THSD4: variants seen among roughly 807,000 people sequenced by gnomAD.
The protein encoded by THSD4 is thrombospondin type 1 domain containing 4.
A neutral mutation model predicts 119.0 loss-of-function variants in THSD4; 69 were observed. The ratio of observed to expected loss-of-function variants is 0.58; its 90% CI spans 0.48 to 0.71. The LOEUF is 0.71. Among genes scored for constraint, THSD4 ranks in the 30% least tolerant of loss-of-function variants. The pLI is 0.00. For synonymous variants in THSD4, 524 were observed against 540.4 expected, an observed-to-expected ratio of 0.97 and a Z score of 0.42; for missense variants, 1,393 against 1,391.1, an observed-to-expected ratio of 1.00 and a Z score of -0.02.
At chr15:71,297,493 G>A (rs765426132) in intron 6 of THSD4, among the ~76,000 whole-genome samples, 11 of 151,976 alleles carry the variant, frequency 7.2e-5, no homozygotes, top group African/African-American at 9.7e-5. Context: ...GTGCCCCCAT[G>A]CCTGGCTAAT....
chr15:71,306,365 G>A (rs1470067430), intron 6 of THSD4, among the ~76,000 whole-genome samples: 1 of 143,550 alleles, frequency 7.0e-6, no homozygotes, highest in Non-Finnish European at 1.5e-5. Flanking sequence ...ATTTTTTGAT[G>A]CCTTCTCTTA....
At chr15:71,219,435 G>C (rs1296620404) in intron 4 of THSD4, among the ~76,000 whole-genome samples, 1 of 152,164 alleles carries the variant, frequency 6.6e-6, no homozygotes, top group Non-Finnish European at 1.5e-5. Context: ...ACTTGCCGTG[G>C]AGTGGGTGGC....
upstream of THSD4, among the ~76,000 whole-genome samples, chr15:71,114,740 T>G (rs1232406416): frequency 6.6e-6 from 1 of 152,098 alleles, no homozygotes; most frequent in African/African-American, 2.4e-5. Context: ...AGAATTATTA[T>G]TTTTTTGCAG....
intron 8 of THSD4, among the ~76,000 whole-genome samples, chr15:71,663,741 A>G (rs1420245940): frequency 2.6e-5 from 4 of 152,130 alleles, no homozygotes; most frequent in African/African-American, 9.7e-5. Flanking sequence ...TACATTGTAC[A>G]TTGTCAAACA....
At chr15:71,280,251 A>G (rs953519794) in intron 6 of THSD4, among the ~76,000 whole-genome samples, 8 of 147,348 alleles carry the variant, frequency 5.4e-5, no homozygotes, top group Non-Finnish European at 1.1e-4. Flanking sequence ...GTGTAGGACG[A>G]GGTTGGCCTG....
chr15:71,744,545 A>C (rs1469005991), intron 11 of THSD4, among the ~76,000 whole-genome samples: 1 of 152,082 alleles, frequency 6.6e-6, no homozygotes, highest in Non-Finnish European at 1.5e-5. Flanking sequence ...GCTTCAACCT[A>C]TCCCTTAAAT....
chr15:71,460,122 G>A (rs753451614), intron 7 of THSD4, among the ~76,000 whole-genome samples: 1 of 152,024 alleles, frequency 6.6e-6, no homozygotes, highest in Non-Finnish European at 1.5e-5. Context: ...TGTGGCCCAC[G>A]ATACCAGTGG....
intron 7 of THSD4, among the ~76,000 whole-genome samples, chr15:71,647,967 A>G (rs1850513445): frequency 6.6e-6 from 1 of 152,170 alleles, no homozygotes; most frequent in Non-Finnish European, 1.5e-5. Flanking sequence ...CCTGAGAGAT[A>G]TAAGCGTATA....
intron 1 of THSD4, among the ~76,000 whole-genome samples, chr15:71,125,408 C>T (rs2040445315): frequency 6.6e-6 from 1 of 152,260 alleles, no homozygotes; most frequent in Non-Finnish European, 1.5e-5. Flanking sequence ...TTCCTCCTCA[C>T]TCAAAAGTTC....
intron 6 of THSD4, among the ~76,000 whole-genome samples, chr15:71,339,696 A>G (rs2045538473): frequency 6.6e-6 from 1 of 152,134 alleles, no homozygotes; most frequent in Non-Finnish European, 1.5e-5. Context: ...AATAAAAGTA[A>G]CTACCTCATA....
chr15:71,736,404 TCTGA>T (rs1475511276), intron 10 of THSD4, among the ~76,000 whole-genome samples: 14 of 149,546 alleles, frequency 9.4e-5, no homozygotes, highest in African/African-American at 3.2e-4. Context: ...TCTCTCGCTC[TCTGA>T]CTGTCTCGCT....
At chr15:71,290,621 A>T (rs2044777177) in intron 6 of THSD4, among the ~76,000 whole-genome samples, 1 of 152,242 alleles carries the variant, frequency 6.6e-6, no homozygotes, top group South Asian at 2.1e-4. Context: ...AGAAGTGCAG[A>T]GATACATCAT....
At chr15:71,348,998 C>A (rs1221399928) in intron 6 of THSD4, among the ~76,000 whole-genome samples, 1 of 152,224 alleles carries the variant, frequency 6.6e-6, no homozygotes, top group Non-Finnish European at 1.5e-5. Context: ...TTCTGTATTT[C>A]AGACATAAAT....
intron 7 of THSD4, among the ~76,000 whole-genome samples, chr15:71,494,575 C>A (rs957575015): frequency 2.6e-5 from 4 of 152,082 alleles, no homozygotes; most frequent in East Asian, 3.8e-4. Context: ...ACGATGGACC[C>A]CAAGAGAAAT....
At chr15:71,098,419 C>T (rs1306667503) in intron 1 of THSD4, among the ~76,000 whole-genome samples, 1 of 151,910 alleles carries the variant, frequency 6.6e-6, no homozygotes, top group East Asian at 1.9e-4. Context: ...TTTGTAGAGA[C>T]ATGATTTCAT....
intron 7 of THSD4, among the ~76,000 whole-genome samples, chr15:71,533,023 C>A (rs2048638776): frequency 2.0e-5 from 3 of 152,182 alleles, no homozygotes; most frequent in Admixed American, 1.3e-4. Flanking sequence ...TGTGTGCCTT[C>A]TGAAGTATGA....
intron 6 of THSD4, among the ~76,000 whole-genome samples, chr15:71,408,048 C>T (rs1224612098): frequency 1.3e-5 from 2 of 152,138 alleles, no homozygotes; most frequent in Non-Finnish European, 2.9e-5. Context: ...TGCCCACTTC[C>T]TCTTGCTCCC....
chr15:71,763,239 G>A (rs1287612385), intron 15 of THSD4, among the ~76,000 whole-genome samples: 3 of 149,224 alleles, frequency 2.0e-5, no homozygotes, highest in Admixed American at 1.3e-4. Context: ...TTTTTTTTCT[G>A]TAGATGCGTG....
chr15:71,173,288 T>A (rs1596242487), intron 3 of THSD4, among the ~76,000 whole-genome samples: 1 of 151,660 alleles, frequency 6.6e-6, no homozygotes, highest in African/African-American at 2.4e-5. Flanking sequence ...TTGAAAAAAA[T>A]AAAGAACTTG....
Sources: gnomAD v4.1 joint callset for allele counts (sites outside exome capture counted in the v4.1 genomes callset) on GRCh38, gnomAD v4.1.1 for gene constraint, MANE v1.5 for transcripts, NCBI Gene and HGNC (gene_info 2026-07-23, HGNC 2026-07-21) for gene names.